RBM7: variants seen among roughly 807,000 people sequenced by gnomAD.
RBM7 encodes the protein RNA-binding protein 7.
A neutral mutation model predicts 31.0 loss-of-function variants in RBM7; 13 were observed. That is an observed-to-expected ratio of 0.42 (90% CI 0.27 to 0.67). The LOEUF is 0.67. Ranked by LOEUF, RBM7 falls within the 30% of genes least tolerant of loss-of-function variation. The pLI is 0.24. For missense variants in RBM7, 245 were observed against 326.2 expected (o/e 0.75, Z 1.92); for synonymous variants, 106 against 111.2 (o/e 0.95, Z 0.30).
chr11:114,402,887 T>C lies in RBM7; in HGVS notation c.319T>C (p.Ser107Pro), dbSNP rs1466543835. The C allele has an allele frequency of 6.2e-7, 1 of 1,612,416 alleles. No homozygotes were observed. The highest frequency in any genetic ancestry group is 8.5e-7 in the Non-Finnish European group (1 of 1,178,556). ...ATATCCCCAACATCATGTTGGAAATTCAAGCCCTACCTCCACATCTCCTAG... is the reference window on the plus strand; with the variant it reads ...ATATCCCCAACATCATGTTGGAAATCCAAGCCCTACCTCCACATCTCCTAG... ...LSYPQHHVGN[S>P]SPTSTSPSSR... The change falls in exon 3 of 5, where the codon TCA becomes CCA. Residue 107 changes from serine to proline, a missense_variant. Ser to Pro is a moderately conservative substitution (Grantham distance 74). Transcript: ENST00000375490.
intron 3 of RBM7, among the ~76,000 whole-genome samples, chr11:114,403,598 G>A (rs1946231762): frequency 6.6e-6 from 1 of 152,124 alleles, no homozygotes; most frequent in African/African-American, 2.4e-5. Context: ...CTATTTAACA[G>A]TCATTTAAGA....
Position 114,410,053 on chromosome 11 carries a change from A to G in RBM7, c.*2246A>G, listed in dbSNP as rs9326243. On this transcript the variant is annotated 3_prime_UTR_variant, in exon 5 of 5. Coordinates refer to ENST00000375490, the MANE Select transcript of RBM7 (RefSeq NM_001286045.2). ...AATGAGCCTTTCCCCTGAGTGTCAC[A>G]TCTGTATTGGCACTCAAAAAGTTTC... 30,886 of 152,066 alleles carry G rather than the reference A, an allele frequency of 0.2. 3,324 individuals carry two copies. The highest frequency in any genetic ancestry group is 0.41 in the East Asian group (2,107 of 5,148). 9.4% of individuals were successfully genotyped at this position (152,066 alleles called of 1,614,324 possible).
At position 114,402,838 on chromosome 11, in the gene RBM7, T is replaced by G; in HGVS notation, c.270T>G (p.His90Gln). 1 of 1,612,368 alleles carries G rather than the reference T, an allele frequency of 6.2e-7. No homozygotes were observed. The highest frequency in any genetic ancestry group is 8.5e-7 in the Non-Finnish European group (1 of 1,178,526). Residue 90 changes from histidine to glutamine, a missense_variant, in exon 3 of 5, where the codon CAT becomes CAG. Physicochemically the swap from His to Gln is conservative, Grantham distance 24 (BLOSUM62 0). Transcript: ENST00000375490. Reference sequence around the variant, plus strand: ...ATTGTTTCATTTTAGGAAGTAGTCATGCCCCACAAGATGTCAGTTTGTCAT... The same window carrying G: ...ATTGTTTCATTTTAGGAAGTAGTCAGGCCCCACAAGATGTCAGTTTGTCAT... ...IKIQFRSGSS[H>Q]APQDVSLSYP...
At chr11:114,402,402 T>C (rs1156879168) in intron 2 of RBM7, among the ~76,000 whole-genome samples, 31 of 119,546 alleles carry the variant, frequency 2.6e-4, no homozygotes, top group African/African-American at 9.6e-4. Flanking sequence ...TTTTTTTTTT[T>C]TTTTTTTTTT....
At chr11:114,403,570 C>T (rs1360314651) in intron 3 of RBM7, among the ~76,000 whole-genome samples, 2 of 152,086 alleles carry the variant, frequency 1.3e-5, no homozygotes, top group African/African-American at 4.8e-5. Context: ...GACAATTTTT[C>T]CCGGTATATC....
At position 114,407,273 on chromosome 11, in the gene RBM7, A is replaced by T. The variant is rs892936299; in HGVS notation, c.442-172A>T. 25 of 595,594 alleles carry T rather than the reference A, an allele frequency of 4.2e-5. 1 individual carries two copies. In the Admixed American group the frequency reaches 7.8e-4, roughly 19 times the overall value. The allele number at this position is 595,594 out of a possible 1,614,324, so 36.9% of individuals were successfully genotyped here. On this transcript the variant is annotated intron_variant, in intron 4 of 4. Transcript: ENST00000375490. ...GACAAAGAGTAGTATTTATGTATAT[A>T]TATGTATCTTGTAGGTATACATTGG...
chr11:114,401,587 G>A, intron 1 of RBM7, 111 bp from the exon 2 acceptor site: 6 of 929,750 alleles, frequency 6.5e-6, no homozygotes, highest in Non-Finnish European at 9.1e-6. Context: ...TTCAAAAGAA[G>A]TTTCTGATTA....
rs369732805 is a variant in RBM7 at position 114,407,702 on chromosome 11, A to T, written c.699A>T (p.Arg233Ser). ...CTGACCATCATTACAGAGGAAAGAG[A>T]GATGATTTCTTCTATGAAGACAGGA... is the stretch of plus-strand genomic sequence containing the variant. Reference protein sequence around the residue: ...HGSDHHYRGKRDDFFYEDRNH... With the variant: ...HGSDHHYRGKSDDFFYEDRNH... The change falls in exon 5 of 5, where the codon AGA (arginine) becomes AGT (serine). Residue 233 changes from arginine (R) to serine (S), a missense_variant. Physicochemically the swap from Arg to Ser is moderately radical, Grantham distance 110. Coordinates refer to ENST00000375490, the MANE Select transcript of RBM7 (RefSeq NM_001286045.2). The T allele has an allele frequency of 1.2e-6, 2 of 1,614,162 alleles. No individual in the cohort carries two copies. Among genetic ancestry groups the T allele is most frequent in the Non-Finnish European group, 1.7e-6 (2 of 1,180,002 alleles).
intron 3 of RBM7, among the ~76,000 whole-genome samples, chr11:114,405,138 A>C (rs1946250199): frequency 6.6e-6 from 1 of 152,196 alleles, no homozygotes; most frequent in Admixed American, 6.5e-5. Flanking sequence ...TTTTCATTTT[A>C]GTTTTCAATC....
At position 114,410,119 on chromosome 11, in the gene RBM7, A is replaced by G. The variant is rs1946318047; in HGVS notation, c.*2312A>G. ...TCAGATTTCAGATTTGGGATGCTTCATCTATATTGACAGCTGCAAGAACAG... is the reference window on the plus strand; with the variant it reads ...TCAGATTTCAGATTTGGGATGCTTCGTCTATATTGACAGCTGCAAGAACAG... On this transcript the variant is annotated 3_prime_UTR_variant, in exon 5 of 5. Transcript: ENST00000375490. The G allele has an allele frequency of 6.6e-6, 1 of 152,162 alleles. No homozygotes were observed. Among genetic ancestry groups the G allele is most frequent in the Non-Finnish European group, 1.5e-5 (1 of 68,024 alleles). 9.4% of individuals were successfully genotyped at this position (152,162 alleles called of 1,614,324 possible). A position where few individuals can be genotyped will look rare whatever the true frequency, so the allele number is the denominator to read the frequency against.
At chr11:114,401,484 C>A (rs1946199659) in intron 1 of RBM7, among the ~76,000 whole-genome samples, 1 of 152,170 alleles carries the variant, frequency 6.6e-6, no homozygotes, top group South Asian at 2.1e-4. Flanking sequence ...ATTGTGTTTC[C>A]AGTTCCTTAT....
Position 114,408,016 on chromosome 11 carries a change from A to G in RBM7, c.*209A>G, listed in dbSNP as rs1946289532. On this transcript the variant is annotated 3_prime_UTR_variant, in exon 5 of 5. Coordinates refer to ENST00000375490, the MANE Select transcript of RBM7 (RefSeq NM_001286045.2). ...TCACCTCAGGGTTTTATGAAGAGGA[A>G]AGGGTTTTATGCAAAAGAAAGTGCT... 4.3e-6 allele frequency: 2 copies of G among 460,482 alleles called. No homozygotes were observed. 28.5% of individuals were successfully genotyped at this position (460,482 alleles called of 1,614,324 possible).
At position 114,409,982 on chromosome 11, in the gene RBM7, A is replaced by C. The variant is rs892565168; in HGVS notation, c.*2175A>C. The C allele has an allele frequency of 6.6e-6, 1 of 152,180 alleles. No individual in the cohort carries two copies. The highest frequency in any genetic ancestry group is 1.5e-5 in the Non-Finnish European group (1 of 68,050). 9.4% of individuals were successfully genotyped at this position (152,180 alleles called of 1,614,324 possible). A position where few individuals can be genotyped will look rare whatever the true frequency, so the allele number is the denominator to read the frequency against. ...TTTGGGTTCTGGAATATTTGCATTAATGCTTGCCAGTTGAGCATCCCAGGT... is the reference window on the plus strand; with the variant it reads ...TTTGGGTTCTGGAATATTTGCATTACTGCTTGCCAGTTGAGCATCCCAGGT... On this transcript the variant is annotated 3_prime_UTR_variant, in exon 5 of 5. Transcript: ENST00000375490.
At position 114,402,919 on chromosome 11, in the gene RBM7, A is replaced by G; in HGVS notation, c.347+4A>G. 1.3e-6 allele frequency: 2 copies of G among 1,594,532 alleles called. No individual in the cohort carries two copies. The highest frequency in any genetic ancestry group is 8.6e-7 in the Non-Finnish European group (1 of 1,162,286). ...CTACCTCCACATCTCCTAGCAGGTA[A>G]TATTTCTCACTTATTGTTAAGATCA... On this transcript the variant is annotated splice_donor_region_variant and intron_variant, in intron 3 of 4. Transcript: ENST00000375490.
chr11:114,402,011 A>C, intron 2 of RBM7, 151 bp downstream of exon 2: 1 of 696,854 alleles, frequency 1.4e-6, no homozygotes, highest in Non-Finnish European at 2.2e-6. Context: ...ATATCCCTGA[A>C]AACGGGTAAC....
rs566705102 is a variant in RBM7, at chr11:114,409,351, A to G, written c.*1544A>G. On this transcript the variant is annotated 3_prime_UTR_variant, in exon 5 of 5. Coordinates refer to ENST00000375490, the MANE Select transcript of RBM7 (RefSeq NM_001286045.2). The stretch of plus-strand genomic sequence containing the variant: ...TTAGTAGGTTTGTAGATGTTAACGA[A>G]GATTAATACTGCATGTTTGTTTTTG... 1 of 150,018 alleles carries G rather than the reference A, an allele frequency of 6.7e-6. No individual in the cohort carries two copies. The highest frequency in any genetic ancestry group is 2.4e-5 in the African/African-American group (1 of 41,014). 9.3% of individuals were successfully genotyped at this position (150,018 alleles called of 1,614,324 possible). A position where few individuals can be genotyped will look rare whatever the true frequency, so the allele number is the denominator to read the frequency against.
In RBM7 at chr11:114,407,774, T is replaced by C. The variant is rs1946286567; in HGVS notation, c.771T>C (p.Ser257=). The change falls in exon 5 of 5, where the codon AGT becomes AGC. Residue 257 remains serine, a synonymous_variant. Transcript: ENST00000375490. ...SHDYDNRRDS[S]RDGKWRSSRH Reference sequence around the variant, plus strand: ...ACTATGATAACAGAAGAGACAGTAGTAGAGATGGAAAATGGCGCTCATCTC... The same window carrying C: ...ACTATGATAACAGAAGAGACAGTAGCAGAGATGGAAAATGGCGCTCATCTC... The C allele has an allele frequency of 1.2e-6, 2 of 1,611,142 alleles. No homozygotes were observed. The highest frequency in any genetic ancestry group is 1.7e-6 in the Non-Finnish European group (2 of 1,178,998).
chr11:114,401,214 A>C (rs1946195285), intron 1 of RBM7, among the ~76,000 whole-genome samples: 1 of 152,196 alleles, frequency 6.6e-6, no homozygotes, highest in Admixed American at 6.5e-5. Context: ...AAATATGTAA[A>C]ATAAAATGGT....
chr11:114,407,421 A>G, intron 4 of RBM7, 24 bp from the exon 5 acceptor site: 1 of 1,586,772 alleles, frequency 6.3e-7, no homozygotes, highest in Non-Finnish European at 8.6e-7. Flanking sequence ...AAGTATTAAC[A>G]TTTCCACTTT....
Sources: allele counts gnomAD v4.1 joint callset (sites outside exome capture counted in the v4.1 genomes callset), GRCh38; gene constraint gnomAD v4.1.1; transcripts MANE v1.5; gene names NCBI Gene and HGNC (gene_info 2026-07-23, HGNC 2026-07-21).